The following PRMT8 variants were observed in gnomAD, a reference collection of about 807,000 sequenced individuals.
PRMT8 encodes protein arginine N-methyltransferase 8.
Under a neutral mutation model 47.1 loss-of-function variants are expected in PRMT8, and 7 were observed. The observed-to-expected ratio is 0.15, with a 90% confidence interval of 0.08 to 0.28. The LOEUF is 0.28. PRMT8 is among the 10% of genes least tolerant of loss of function. PRMT8 has a pLI of 1.00. For missense variants in PRMT8, 237 were observed against 505.4 expected, an observed-to-expected ratio of 0.47 and a Z score of 5.09; for synonymous variants, 188 against 186.5, an observed-to-expected ratio of 1.01 and a Z score of -0.07.
chr12:3,511,150 T>C (rs1203657905), intron 1 of PRMT8, among the ~76,000 whole-genome samples: 1 of 152,208 alleles, frequency 6.6e-6, no homozygotes, highest in Non-Finnish European at 1.5e-5. Flanking sequence ...TTGCCTGTTA[T>C]AACCTTGCTC....
At chr12:3,400,805 C>A (rs1454176388) in intron 1 of PRMT8, among the ~76,000 whole-genome samples, 1 of 152,128 alleles carries the variant, frequency 6.6e-6, no homozygotes, top group Non-Finnish European at 1.5e-5. Context: ...AAAAGCTTAT[C>A]CACCAGGATC....
chr12:3,476,329 C>T (rs979401), intron 1 of PRMT8, among the ~76,000 whole-genome samples: 114,836 of 151,672 alleles, frequency 0.76, 43,735 homozygotes, highest in Middle Eastern at 0.86. Context: ...GTGCCAGACA[C>T]GTGGGCTTGT....
intron 1 of PRMT8, among the ~76,000 whole-genome samples, chr12:3,513,422 G>C (rs1458721920): frequency 1.3e-5 from 2 of 152,154 alleles, no homozygotes; most frequent in South Asian, 4.1e-4. Context: ...TTTATATCTA[G>C]TTTGAGTAGC....
chr12:3,492,300 G>A lies in PRMT8; in HGVS notation c.75+600G>A, dbSNP rs983636464. Among the ~76,000 whole-genome samples, 10 of 152,070 alleles carry A rather than the reference G, an allele frequency of 6.6e-5. No individual in the cohort carries two copies. Among genetic ancestry groups the A allele is most frequent in the Non-Finnish European group, 1.5e-4 (10 of 67,984 alleles). On this transcript the variant is annotated intron_variant, in intron 1 of 9. Transcript: ENST00000382622. The surrounding 1 kb of genome is among the most constrained non-coding windows in gnomAD (Gnocchi z 7.5). ...CTCCGGCCCAGATCTGGGCCAGAGA[G>A]AAGTCTGCAATCCTCAGATATCAGA...
At chr12:3,410,734 C>T (rs1163077066) in intron 1 of PRMT8, among the ~76,000 whole-genome samples, 1 of 152,134 alleles carries the variant, frequency 6.6e-6, no homozygotes, top group Non-Finnish European at 1.5e-5. Flanking sequence ...GTCTCGAACT[C>T]CTGACCTCGT....
At chr12:3,439,031 T>C (rs1864772642) in intron 1 of PRMT8, among the ~76,000 whole-genome samples, 1 of 152,248 alleles carries the variant, frequency 6.6e-6, no homozygotes, top group South Asian at 2.1e-4. Context: ...ATTTGCAAGA[T>C]GTATTTTAAA....
At chr12:3,451,839 T>C (rs1811477930) in intron 1 of PRMT8, among the ~76,000 whole-genome samples, 1 of 152,222 alleles carries the variant, frequency 6.6e-6, no homozygotes, top group Non-Finnish European at 1.5e-5. Flanking sequence ...TTTCCTTGAT[T>C]CCAGTCATAT....
intron 1 of PRMT8, among the ~76,000 whole-genome samples, chr12:3,506,201 G>C (rs1229922306): frequency 6.6e-6 from 1 of 152,168 alleles, no homozygotes; most frequent in Non-Finnish European, 1.5e-5. Context: ...ATATGTATGG[G>C]TAGTGGTGCA....
At position 3,466,915 on chromosome 12, in the gene PRMT8, C is replaced by T. The variant is rs545507867; in HGVS notation, c.49-73691C>T. Reference sequence around the variant, plus strand: ...ATGTGAAAATTCCCCAGAGTGGCCACTGTAATTTCAAATGGTCTCTTAAGA... The same window carrying T: ...ATGTGAAAATTCCCCAGAGTGGCCATTGTAATTTCAAATGGTCTCTTAAGA... On this transcript the variant is annotated intron_variant, in intron 1 of 9. Transcript: ENST00000452611. 3.3e-5 allele frequency among the ~76,000 whole-genome samples: 5 copies of T among 152,278 alleles called. No individual in the cohort carries two copies. The East Asian group carries it at 7.7e-4, about 24-fold the overall frequency.
At chr12:3,400,768 T>G (rs972750631) in intron 1 of PRMT8, among the ~76,000 whole-genome samples, 4 of 152,174 alleles carry the variant, frequency 2.6e-5, no homozygotes, top group Non-Finnish European at 5.9e-5. Flanking sequence ...AATAAAATAC[T>G]GACAAACTGA....
chr12:3,486,807 A>G (rs75497598), upstream of PRMT8, among the ~76,000 whole-genome samples: 1,182 of 152,368 alleles, frequency 7.8e-3, 14 homozygotes, highest in African/African-American at 0.026. Flanking sequence ...ATATTGTTAA[A>G]GCAAATAGTA....
intron 8 of PRMT8, among the ~76,000 whole-genome samples, chr12:3,586,387 A>G (rs1867173857): frequency 6.6e-6 from 1 of 152,126 alleles, no homozygotes; most frequent in Non-Finnish European, 1.5e-5. Flanking sequence ...ACGTGGCTCA[A>G]AGACCAAGGA....
intron 1 of PRMT8, among the ~76,000 whole-genome samples, chr12:3,506,105 T>G (rs1865619921): frequency 6.6e-6 from 1 of 152,214 alleles, no homozygotes; most frequent in Non-Finnish European, 1.5e-5. Flanking sequence ...AGTGTGGGGC[T>G]GCTAGCTGGG....
chr12:3,523,864 C>T (rs1361764069), intron 1 of PRMT8, among the ~76,000 whole-genome samples: 2 of 152,382 alleles, frequency 1.3e-5, no homozygotes, highest in African/African-American at 4.8e-5. Flanking sequence ...ATAAACCACT[C>T]CTTCTGCCTC....
At chr12:3,411,731 G>C (rs995105188) in intron 1 of PRMT8, among the ~76,000 whole-genome samples, 2 of 152,174 alleles carry the variant, frequency 1.3e-5, no homozygotes, top group African/African-American at 4.8e-5. Flanking sequence ...GAAACTGGTG[G>C]CTTAATAAGA....
intron 1 of PRMT8, among the ~76,000 whole-genome samples, chr12:3,496,214 A>ATATATATATATATATATATATTTT: frequency 3.6e-5 from 1 of 27,756 alleles, no homozygotes; most frequent in African/African-American, 8.8e-5. Flanking sequence ...ATATATATAT[A>ATATATATATATATATATATATTTT]TTTTTTTTTT....
intron 1 of PRMT8, among the ~76,000 whole-genome samples, chr12:3,448,554 AG>A (rs1252185379): frequency 1.3e-5 from 2 of 152,156 alleles, no homozygotes; most frequent in Non-Finnish European, 2.9e-5. Context: ...TGTTGTAGGA[AG>A]TTCTCCAGTG....
chr12:3,534,170 C>T (rs1866080654), intron 1 of PRMT8, among the ~76,000 whole-genome samples: 1 of 152,260 alleles, frequency 6.6e-6, no homozygotes, highest in Admixed American at 6.5e-5. Flanking sequence ...GCCCTCCAGG[C>T]CAGGCAGGCG....
Position 3,493,378 on chromosome 12 carries a change from CG to C in PRMT8, c.75+1679del, listed in dbSNP as rs925662052. Among the ~76,000 whole-genome samples the C allele has an allele frequency of 6.6e-6, 1 of 152,254 alleles. No individual in the cohort carries two copies. The highest frequency in any genetic ancestry group is 2.4e-5 in the African/African-American group (1 of 41,472). ...TAAAAATAGCCCAGGGCTTCAAGGCCGCGCTTCTGTGAAGTGTGGAGCGAGC... is the reference window on the plus strand; with the variant it reads ...TAAAAATAGCCCAGGGCTTCAAGGCCCGCTTCTGTGAAGTGTGGAGCGAGC... On this transcript the variant is annotated intron_variant, in intron 1 of 9. Transcript: ENST00000382622. This position sits in a 1 kb window ranked among gnomAD's most constrained non-coding sequence, Gnocchi z 8.2.
Sources: allele counts gnomAD v4.1 joint callset (sites outside exome capture counted in the v4.1 genomes callset), GRCh38; gene constraint gnomAD v4.1.1; non-coding constraint Gnocchi (gnomAD v3.1); transcripts MANE v1.5; gene names NCBI Gene and HGNC (gene_info 2026-07-23, HGNC 2026-07-21).